ESRRG: variants seen among roughly 807,000 people sequenced by gnomAD.
ESRRG encodes the protein estrogen-related receptor gamma.
A neutral mutation model predicts 44.0 loss-of-function variants in ESRRG; 13 were observed. The observed-to-expected ratio is 0.30, with a 90% CI of 0.19 to 0.47. The LOEUF is 0.47. Among genes scored for constraint, ESRRG ranks in the 20% least tolerant of loss-of-function variants. The probability of loss-of-function intolerance (pLI) is 1.00; values close to 1 mark genes in which losing one functional copy is unlikely to be tolerated. For synonymous variants in ESRRG, 215 were observed against 214.6 expected, an observed-to-expected ratio of 1.00 and a Z score of -0.02; for missense variants, 395 against 580.6, an observed-to-expected ratio of 0.68 and a Z score of 3.29.
chr1:216,749,756 G>A (rs536462567), intron 2 of ESRRG, among the ~76,000 whole-genome samples: 69 of 152,074 alleles, frequency 4.5e-4, no homozygotes, highest in African/African-American at 1.3e-3. Context: ...GTATAATTAC[G>A]CAAAGGAGAA....
rs1221796996 is a variant in ESRRG, at chr1:216,617,108, C to T, written c.589+33865G>A. Among the ~76,000 whole-genome samples the T allele has an allele frequency of 2.0e-5, 3 of 152,074 alleles. 1 individual carries two copies. The highest frequency in any genetic ancestry group is 7.2e-5 in the African/African-American group (3 of 41,422). ...ATTTTCAATGTTTGTTATATGATGT[C>T]AATTATAGCTTAACTTCCTTTACCC... is the stretch of plus-strand genomic sequence containing the variant. On this transcript the variant is annotated intron_variant, in intron 3 of 6. Transcript: ENST00000408911.
intron 2 of ESRRG, among the ~76,000 whole-genome samples, chr1:216,812,532 T>C (rs1226268414): frequency 6.6e-6 from 1 of 152,182 alleles, no homozygotes; most frequent in East Asian, 1.9e-4. Flanking sequence ...ATAGCACTCA[T>C]AGATGCTATA....
rs2088262220 is a variant in ESRRG at position 216,729,471 on chromosome 1, AG to A, written c.-13-51981del. 2.6e-5 allele frequency among the ~76,000 whole-genome samples: 4 copies of A among 152,302 alleles called. No individual in the cohort carries two copies. The South Asian group carries it at 8.3e-4, about 32-fold the overall frequency. The stretch of plus-strand genomic sequence containing the variant: ...CATTTGGCCTCCATCTCTGACTAGG[AG>A]TGGGAGATACTGGATACAGAAAAGA... On this transcript the variant is annotated intron_variant, in intron 2 of 7. Coordinates refer to the ESRRG transcript ENST00000359162.
chr1:217,125,476 A>G (rs554755116), intron 1 of ESRRG, among the ~76,000 whole-genome samples: 7 of 152,348 alleles, frequency 4.6e-5, no homozygotes, highest in African/African-American at 1.7e-4. Flanking sequence ...ACTTGTTGAC[A>G]TCTTCCCTCC....
intron 2 of ESRRG, among the ~76,000 whole-genome samples, chr1:216,665,698 TACC>T (rs1280463807): frequency 1.3e-5 from 2 of 152,190 alleles, no homozygotes; most frequent in East Asian, 1.9e-4. Context: ...TTATGTTTCT[TACC>T]ACATTTTTTA....
intron 1 of ESRRG, among the ~76,000 whole-genome samples, chr1:217,125,959 A>G (rs1558289672): frequency 6.6e-6 from 1 of 152,200 alleles, no homozygotes; most frequent in Non-Finnish European, 1.5e-5. Context: ...CAGTATTTCT[A>G]GAGCAGGGCC....
chr1:216,723,312 A>G lies in ESRRG; in HGVS notation c.-13T>C. The G allele has an allele frequency of 6.2e-7, 1 of 1,614,056 alleles. No homozygotes were observed. The highest frequency in any genetic ancestry group is 8.5e-7 in the Non-Finnish European group (1 of 1,179,912). On this transcript the variant is annotated 5_prime_UTR_variant, in exon 1 of 7. Transcript: ENST00000408911. ...CTACCGAATCCATGTGCGACCGGCAACCATTATTTGTGCACCCCAGCTATA... is the reference window on the plus strand; with the variant it reads ...CTACCGAATCCATGTGCGACCGGCAGCCATTATTTGTGCACCCCAGCTATA...
intron 3 of ESRRG, among the ~76,000 whole-genome samples, chr1:216,621,478 T>A (rs1328179753): frequency 6.6e-6 from 1 of 152,138 alleles, no homozygotes; most frequent in African/African-American, 2.4e-5. Flanking sequence ...TTAGCCCACA[T>A]GTGTTGGGTA....
chr1:217,129,250 A>G (rs747418489), intron 1 of ESRRG, among the ~76,000 whole-genome samples: 28 of 152,258 alleles, frequency 1.8e-4, no homozygotes, highest in Non-Finnish European at 3.7e-4. Flanking sequence ...ACTTGGCATC[A>G]TTAGTTACTA....
chr1:216,810,569 T>TTA (rs1559725463), intron 2 of ESRRG, among the ~76,000 whole-genome samples: 1 of 147,450 alleles, frequency 6.8e-6, no homozygotes, highest in African/African-American at 2.5e-5. Flanking sequence ...AATATATATA[T>TTA]TATATATATT....
intron 2 of ESRRG, among the ~76,000 whole-genome samples, chr1:216,666,369 A>G (rs572612542): frequency 6.6e-6 from 1 of 152,360 alleles, no homozygotes; most frequent in African/African-American, 2.4e-5. Flanking sequence ...ATTTGAACAT[A>G]TGTACAAAAA....
At chr1:216,514,250 T>C (rs1272299845) in intron 6 of ESRRG, among the ~76,000 whole-genome samples, 1 of 152,122 alleles carries the variant, frequency 6.6e-6, no homozygotes, top group Non-Finnish European at 1.5e-5. Context: ...TATCTTATTC[T>C]AAATAGAATT....
chr1:216,991,423 A>G (rs2075678564), intron 1 of ESRRG, among the ~76,000 whole-genome samples: 2 of 152,098 alleles, frequency 1.3e-5, no homozygotes, highest in Admixed American at 6.6e-5. Flanking sequence ...AAAACTTATT[A>G]ACTCGGCATA....
intron 1 of ESRRG, among the ~76,000 whole-genome samples, chr1:217,088,886 G>A (rs11117770): frequency 0.15 from 22,605 of 151,982 alleles, 2,169 homozygotes; most frequent in Admixed American, 0.22. Context: ...GTAGAAGGAG[G>A]TAGATGGTTT....
At chr1:216,940,425 A>C (rs965360426) in intron 1 of ESRRG, among the ~76,000 whole-genome samples, 1 of 152,222 alleles carries the variant, frequency 6.6e-6, no homozygotes, top group Non-Finnish European at 1.5e-5. Flanking sequence ...GCAACAAAGC[A>C]ATCCCTTGGA....
At chr1:217,032,575 A>G (rs2082235907) in intron 1 of ESRRG, among the ~76,000 whole-genome samples, 1 of 152,246 alleles carries the variant, frequency 6.6e-6, no homozygotes, top group South Asian at 2.1e-4. Context: ...CAGCTTCTAA[A>G]GAAAAAATTA....
chr1:216,873,299 C>A (rs921830117), intron 2 of ESRRG, among the ~76,000 whole-genome samples: 1 of 148,662 alleles, frequency 6.7e-6, no homozygotes, highest in Non-Finnish European at 1.5e-5. Flanking sequence ...GCAACCTCCG[C>A]CCCCCTGGTT....
At chr1:216,609,916 T>C (rs935998142) in intron 3 of ESRRG, among the ~76,000 whole-genome samples, 1 of 152,224 alleles carries the variant, frequency 6.6e-6, no homozygotes, top group African/African-American at 2.4e-5. Flanking sequence ...TATTTAAAAG[T>C]ACTTTTCCAT....
intron 3 of ESRRG, among the ~76,000 whole-genome samples, chr1:216,628,041 GC>G (rs2063486171): frequency 6.6e-6 from 1 of 152,114 alleles, no homozygotes; most frequent in African/African-American, 2.4e-5. Context: ...TCAACTTAGA[GC>G]TTGATGGTGT....
Sources: allele counts gnomAD v4.1 joint callset (sites outside exome capture counted in the v4.1 genomes callset), GRCh38; gene constraint gnomAD v4.1.1; transcripts MANE v1.5; gene names NCBI Gene and HGNC (gene_info 2026-07-23, HGNC 2026-07-21).